The following CTNNA3 variants were observed in gnomAD, a reference collection of about 807,000 sequenced individuals.
The protein encoded by CTNNA3 is catenin alpha-3.
CTNNA3 carries 76 observed loss-of-function variants against 95.7 expected under a neutral mutation model. The ratio of observed to expected loss-of-function variants is 0.79; its 90% confidence interval spans 0.66 to 0.96. The LOEUF (loss-of-function observed/expected upper bound fraction) is 0.96, where lower values mean the gene tolerates loss of function less well. Ranked by LOEUF, CTNNA3 falls within the 40% of genes least tolerant of loss-of-function variation. CTNNA3 has a pLI of 0.00. For synonymous variants in CTNNA3, 431 were observed against 374.4 expected (o/e 1.15, Z -1.74); for missense variants, 1,191 against 1,089.8 (o/e 1.09, Z -1.31).
chr10:67,742,215 A>G (rs1032646151), intron 1 of CTNNA3, among the ~76,000 whole-genome samples: 8 of 151,224 alleles, frequency 5.3e-5, no homozygotes, highest in African/African-American at 1.7e-4. Context: ...TCAGCACCAC[A>G]CTGCACTTAT....
Position 66,845,461 on chromosome 10 carries a change from T to C in CTNNA3, c.1048-69937A>G, listed in dbSNP as rs1405373997. Among the ~76,000 whole-genome samples the C allele has an allele frequency of 2.0e-5, 3 of 151,984 alleles. 1 individual carries two copies. Among genetic ancestry groups the C allele is most frequent in the Admixed American group, 1.3e-4 (2 of 15,256 alleles). On this transcript the variant is annotated intron_variant, in intron 7 of 17. Coordinates refer to ENST00000433211, the MANE Select transcript of CTNNA3 (RefSeq NM_013266.4). Reference sequence around the variant, plus strand: ...GCTCACGCCCGTAATCCCAGCACTTTGGGAGGCCGAGGCAGGTGGATCACC... The same window carrying C: ...GCTCACGCCCGTAATCCCAGCACTTCGGGAGGCCGAGGCAGGTGGATCACC...
At chr10:67,028,988 C>T (rs766891390) in intron 7 of CTNNA3, among the ~76,000 whole-genome samples, 1 of 152,154 alleles carries the variant, frequency 6.6e-6, no homozygotes, top group Non-Finnish European at 1.5e-5. Context: ...GCAATCATAT[C>T]GCAACTCCCC....
At chr10:67,302,454 A>G (rs1840368251) in intron 5 of CTNNA3, among the ~76,000 whole-genome samples, 1 of 152,226 alleles carries the variant, frequency 6.6e-6, no homozygotes, top group Admixed American at 6.5e-5. Flanking sequence ...TAAGTATGTG[A>G]GGTAATGCAT....
chr10:67,088,063 A>G (rs967876015), intron 7 of CTNNA3, among the ~76,000 whole-genome samples: 9 of 151,966 alleles, frequency 5.9e-5, no homozygotes, highest in Non-Finnish European at 1.0e-4. Flanking sequence ...TGATAATTTA[A>G]AGAGAAAGAA....
At chr10:67,580,609 C>T (rs1211593551) in intron 3 of CTNNA3, among the ~76,000 whole-genome samples, 1 of 150,056 alleles carries the variant, frequency 6.7e-6, no homozygotes, top group African/African-American at 2.5e-5. Context: ...TCATTGGTAG[C>T]TTGATGGGGA....
intron 16 of CTNNA3, among the ~76,000 whole-genome samples, chr10:65,971,343 A>G (rs2078097075): frequency 6.6e-6 from 1 of 151,430 alleles, no homozygotes; most frequent in Non-Finnish European, 1.5e-5. Flanking sequence ...TGAGACCTAA[A>G]AATTCATAGG....
intron 3 of CTNNA3, among the ~76,000 whole-genome samples, chr10:67,603,499 G>A (rs1843152598): frequency 6.6e-6 from 1 of 152,008 alleles, no homozygotes; most frequent in Admixed American, 6.6e-5. Context: ...AGTGGGACAA[G>A]ATATGAAAGT....
intron 13 of CTNNA3, among the ~76,000 whole-genome samples, chr10:66,277,194 A>T (rs140505834): frequency 6.6e-6 from 1 of 152,276 alleles, no homozygotes; most frequent in African/African-American, 2.4e-5. Context: ...TGATCAAAAC[A>T]AATAGTAAAG....
intron 2 of CTNNA3, among the ~76,000 whole-genome samples, chr10:67,645,954 T>TAA (rs960588694): frequency 1.4e-5 from 2 of 148,064 alleles, no homozygotes; most frequent in African/African-American, 4.9e-5. Context: ...TATATATATA[T>TAA]AATATATATA....
chr10:67,166,977 C>T (rs1204975820), intron 7 of CTNNA3, among the ~76,000 whole-genome samples: 1 of 152,020 alleles, frequency 6.6e-6, no homozygotes, highest in Non-Finnish European at 1.5e-5. Context: ...TGTGGTGGCA[C>T]ATGCCTGTAG....
chr10:65,943,068 C>CTT (rs749513883), intron 17 of CTNNA3, among the ~76,000 whole-genome samples: 17,766 of 142,022 alleles, frequency 0.13, 1,472 homozygotes, highest in South Asian at 0.19. Flanking sequence ...TTTTCTTTTT[C>CTT]TTTTTTTTTT....
intron 7 of CTNNA3, among the ~76,000 whole-genome samples, chr10:67,110,839 G>T (rs1437987769): frequency 6.6e-6 from 1 of 151,952 alleles, no homozygotes; most frequent in African/African-American, 2.4e-5. Context: ...AAGAAAATAA[G>T]GAAAAGAGAA....
At chr10:66,947,286 T>A (rs576197806) in intron 7 of CTNNA3, among the ~76,000 whole-genome samples, 60 of 152,318 alleles carry the variant, frequency 3.9e-4, no homozygotes, top group African/African-American at 1.1e-3. Flanking sequence ...ACAGATGCAT[T>A]TCTTGAGTTG....
chr10:66,827,868 G>C (rs983194508), intron 7 of CTNNA3, among the ~76,000 whole-genome samples: 7 of 152,014 alleles, frequency 4.6e-5, no homozygotes, highest in Admixed American at 4.6e-4. Flanking sequence ...TAAAAGTGGA[G>C]AAAGAAATTG....
intron 7 of CTNNA3, among the ~76,000 whole-genome samples, chr10:67,136,237 C>G (rs1263108239): frequency 6.6e-6 from 1 of 151,860 alleles, no homozygotes; most frequent in African/African-American, 2.4e-5. Context: ...AGGGTAATTT[C>G]TATTTTCCTT....
At chr10:66,443,015 C>T (rs1202593302) in intron 11 of CTNNA3, among the ~76,000 whole-genome samples, 2 of 152,164 alleles carry the variant, frequency 1.3e-5, no homozygotes, top group Non-Finnish European at 2.9e-5. Flanking sequence ...TTATATCCCG[C>T]ATATGGCTCA....
At chr10:66,298,438 A>G (rs1305948471) in intron 12 of CTNNA3, among the ~76,000 whole-genome samples, 1 of 152,184 alleles carries the variant, frequency 6.6e-6, no homozygotes, top group Non-Finnish European at 1.5e-5. Flanking sequence ...TGCATTATAT[A>G]TATATGTAAT....
intron 7 of CTNNA3, among the ~76,000 whole-genome samples, chr10:67,108,992 A>G (rs769147337): frequency 1.2e-4 from 18 of 152,204 alleles, no homozygotes; most frequent in Non-Finnish European, 2.2e-4. Context: ...AATAAATTCA[A>G]TGTACTGTCA....
intron 11 of CTNNA3, among the ~76,000 whole-genome samples, chr10:66,415,112 T>C (rs1361825786): frequency 6.6e-6 from 1 of 151,994 alleles, no homozygotes; most frequent in Non-Finnish European, 1.5e-5. Context: ...ACTCAAGCAT[T>C]CCACAATGAC....
Sources: allele counts gnomAD v4.1 joint callset (sites outside exome capture counted in the v4.1 genomes callset), GRCh38; gene constraint gnomAD v4.1.1; transcripts MANE v1.5; gene names NCBI Gene and HGNC (gene_info 2026-07-23, HGNC 2026-07-21).